Variants in RRP7A observed in about 807,000 individuals in gnomAD.
RRP7A encodes the protein ribosomal RNA processing 7 homolog A.
Under a neutral mutation model 38.4 loss-of-function variants are expected in RRP7A, and 27 were observed. The observed-to-expected ratio is 0.70, with a 90% CI of 0.52 to 0.97. The LOEUF (loss-of-function observed/expected upper bound fraction) is 0.97. Ranked by LOEUF, RRP7A falls within the 50% of genes least tolerant of loss-of-function variation. The pLI, the probability that RRP7A is intolerant of heterozygous loss-of-function variation, is 0.00. For missense variants in RRP7A, 327 were observed against 375.4 expected, an observed-to-expected ratio of 0.87 and a Z score of 1.07; for synonymous variants, 124 against 150.3, an observed-to-expected ratio of 0.83 and a Z score of 1.28.
rs1773842883 is a variant in RRP7A, at chr22:42,511,211, C to CT, written c.*1698dup. The CT allele has an allele frequency of 6.6e-6, 1 of 151,606 alleles. No homozygotes were observed. Among genetic ancestry groups the CT allele is most frequent in the African/African-American group, 2.4e-5 (1 of 41,038 alleles). 9.4% of individuals were successfully genotyped at this position (151,606 alleles called of 1,614,324 possible). On this transcript the variant is annotated 3_prime_UTR_variant, in exon 7 of 7. Coordinates refer to ENST00000323013, the MANE Select transcript of RRP7A (RefSeq NM_015703.5). The stretch of plus-strand genomic sequence containing the variant: ...TTTTTTTTTGAGATGGAGTCTCACT[C>CT]TGTCGCTCAGGCTGGAGTGCAGTGG...
chr22:42,517,895 C>G (rs1369173746), intron 2 of RRP7A, 110 bp downstream of exon 2: 1 of 1,301,578 alleles, frequency 7.7e-7, no homozygotes, highest in Non-Finnish European at 1.1e-6. Flanking sequence ...TGACACTCTC[C>G]TCTGGGGCTC....
chr22:42,511,014 G>A lies in RRP7A; in HGVS notation c.*1896C>T, dbSNP rs1932442928. 2 of 166,364 alleles carry A rather than the reference G, an allele frequency of 1.2e-5. No individual in the cohort carries two copies. Among genetic ancestry groups the A allele is most frequent in the South Asian group, 3.5e-4 (2 of 5,662 alleles). The allele number at this position is 166,364 out of a possible 1,614,324, so 10.3% of individuals were successfully genotyped here. A position where few individuals can be genotyped will look rare whatever the true frequency, so the allele number is the denominator to read the frequency against. ...GCACAATTAGGTGACCCAACTGCCA[G>A]AGACAGTCCCACATTTTTTGAGAGA... On this transcript the variant is annotated 3_prime_UTR_variant, in exon 7 of 7. Transcript: ENST00000323013.
chr22:42,517,491 A>G (rs1052669010), intron 2 of RRP7A, among the ~76,000 whole-genome samples: 20 of 152,118 alleles, frequency 1.3e-4, no homozygotes, highest in Non-Finnish European at 5.9e-5. Context: ...GGTAATATGT[A>G]AAAATGCCTT....
In RRP7A at chr22:42,508,925, G is replaced by A; in HGVS notation, c.*3985C>T. ...GCTCAGACCCAGGGTGGGTGGCTAAGGTGCCCTCGCCAGGGCTTAGCCACC... is the reference window on the plus strand; with the variant it reads ...GCTCAGACCCAGGGTGGGTGGCTAAAGTGCCCTCGCCAGGGCTTAGCCACC... On this transcript the variant is annotated 3_prime_UTR_variant, in exon 7 of 7. Transcript: ENST00000323013. The A allele has an allele frequency of 6.5e-7, 1 of 1,549,310 alleles. No homozygotes were observed. The highest frequency in any genetic ancestry group is 2.3e-5 in the East Asian group (1 of 43,640).
At chr22:42,516,882 A>G (rs1378980707) in intron 2 of RRP7A, among the ~76,000 whole-genome samples, 2 of 152,198 alleles carry the variant, frequency 1.3e-5, no homozygotes, top group Non-Finnish European at 2.9e-5. Flanking sequence ...CTGCACTTCA[A>G]AAAAGGTCAG....
intron 2 of RRP7A, among the ~76,000 whole-genome samples, chr22:42,516,748 A>G (rs1207120418): frequency 6.6e-6 from 1 of 152,150 alleles, no homozygotes; most frequent in Non-Finnish European, 1.5e-5. Context: ...TCTGTGGTGG[A>G]GGCAGCGGGG....
chr22:42,509,219 C>T lies in RRP7A; in HGVS notation c.*3691G>A, dbSNP rs1194472917. 2 of 1,552,948 alleles carry T rather than the reference C, an allele frequency of 1.3e-6. No homozygotes were observed. The highest frequency in any genetic ancestry group is 2.0e-5 in the Admixed American group (1 of 50,110). On this transcript the variant is annotated 3_prime_UTR_variant, in exon 7 of 7. Transcript: ENST00000323013. ...CTCCAAGTTCTCTGCGTGTCGACCA[C>T]ATCGCTAAGACTCAAGATCTTTTTT...
Position 42,512,786 on chromosome 22 carries a change from T to C in RRP7A, c.*124A>G. Reference sequence around the variant, plus strand: ...CCTGTGTGGACTCTGATGGGGCTGTTGGACGCGGTGGCCTTCAACCTGGGG... The same window carrying C: ...CCTGTGTGGACTCTGATGGGGCTGTCGGACGCGGTGGCCTTCAACCTGGGG... On this transcript the variant is annotated 3_prime_UTR_variant, in exon 7 of 7. Coordinates refer to ENST00000323013, the MANE Select transcript of RRP7A (RefSeq NM_015703.5). 1.0e-6 allele frequency: 1 copy of C among 958,362 alleles called. No individual in the cohort carries two copies. The allele number at this position is 958,362 out of a possible 1,614,324, so 59.4% of individuals were successfully genotyped here. A position where few individuals can be genotyped will look rare whatever the true frequency, so the allele number is the denominator to read the frequency against.
chr22:42,516,440 G>C (rs1159879731), intron 2 of RRP7A: 6 of 434,156 alleles, frequency 1.4e-5, no homozygotes, highest in African/African-American at 4.1e-5. Context: ...CTCCCGAGCA[G>C]CTGGGATTAC....
intron 3 of RRP7A, 112 bp from the exon 4 acceptor site, chr22:42,515,380 C>T: frequency 1.4e-6 from 1 of 718,632 alleles, no homozygotes; most frequent in Non-Finnish European, 2.4e-6. Flanking sequence ...TGGTGCTAGG[C>T]TATTCCTGAG....
In RRP7A at chr22:42,515,337, C is replaced by G. The variant is rs1017381453; in HGVS notation, c.343-69G>C. ...TCTGGCACAAGGTCTCCAGGCCTGCCCTCAGCCTAGGTGGTAGCTACACCA... is the reference window on the plus strand; with the variant it reads ...TCTGGCACAAGGTCTCCAGGCCTGCGCTCAGCCTAGGTGGTAGCTACACCA... On this transcript the variant is annotated intron_variant, in intron 3 of 6. Coordinates refer to ENST00000323013, the MANE Select transcript of RRP7A (RefSeq NM_015703.5). 1.2e-5 allele frequency: 9 copies of G among 733,772 alleles called. No individual in the cohort carries two copies. The African/African-American group carries it at 1.6e-4, about 13-fold the overall frequency. 45.5% of individuals were successfully genotyped at this position (733,772 alleles called of 1,614,324 possible).
At position 42,519,734 on chromosome 22, in the gene RRP7A, G is replaced by T; in HGVS notation, c.53C>A (p.Pro18His). Residue 18 changes from proline (P) to histidine (H), a missense_variant, in exon 1 of 7, where the codon CCC becomes CAC. Around this residue, in one of 5 missense-constraint regions of RRP7A, gnomAD observed 183 missense variants for 141.8 expected, o/e 1.29. Transcript: ENST00000323013. ...CAARDPEDRI[P>H]SPLGYAAIPI... ...CTCACCTGCGTAGCCCAGTGGGCTGGGGATACGGTCCTCCGGGTCCCGCGC... is the reference window on the plus strand; with the variant it reads ...CTCACCTGCGTAGCCCAGTGGGCTGTGGATACGGTCCTCCGGGTCCCGCGC... The T allele has an allele frequency of 6.8e-7, 1 of 1,463,384 alleles. No homozygotes were observed. The highest frequency in any genetic ancestry group is 9.0e-7 in the Non-Finnish European group (1 of 1,110,316). The allele number at this position is 1,463,384 out of a possible 1,614,324, so 90.6% of individuals were successfully genotyped here.
chr22:42,515,740 G>C (rs1380603700), intron 3 of RRP7A, among the ~76,000 whole-genome samples: 11 of 152,172 alleles, frequency 7.2e-5, no homozygotes, highest in Admixed American at 7.2e-4. Context: ...GAAGCAGGAG[G>C]GGAGCCGGGG....
chr22:42,519,600 G>A lies in RRP7A; in HGVS notation c.73+114C>T, dbSNP rs1256451608. 29 of 917,598 alleles carry A rather than the reference G, an allele frequency of 3.2e-5. No homozygotes were observed. In the South Asian group the frequency reaches 6.0e-4, roughly 19 times the overall value. The allele number at this position is 917,598 out of a possible 1,614,324, so 56.8% of individuals were successfully genotyped here. A position where few individuals can be genotyped will look rare whatever the true frequency, so the allele number is the denominator to read the frequency against. ...GCGGAGCCTGGGGCCACGGGCCACC[G>A]GGGCTCACACCCAACCGTGCGGCCG... On this transcript the variant is annotated intron_variant, in intron 1 of 6. Transcript: ENST00000323013.
intron 6 of RRP7A, 23 bp downstream of exon 6, chr22:42,514,083 A>G (rs1274436501): frequency 6.2e-7 from 1 of 1,605,664 alleles, no homozygotes. Flanking sequence ...GAGGGGTCTG[A>G]GGATGGACTG....
chr22:42,515,951 A>T, intron 3 of RRP7A, 60 bp downstream of exon 3: 1 of 1,527,130 alleles, frequency 6.5e-7, no homozygotes, highest in African/African-American at 1.4e-5. Context: ...CTCCCCCAAC[A>T]CACTGGGGAC....
intron 3 of RRP7A, 38 bp downstream of exon 3, chr22:42,515,973 C>T: frequency 2.6e-6 from 4 of 1,559,168 alleles, no homozygotes; most frequent in Non-Finnish European, 3.5e-6. Context: ...GTGCCCCACC[C>T]CCCTCACTCT....
rs138035130 is a variant in RRP7A at position 42,518,086 on chromosome 22, G to A, written c.135C>T (p.His45=). 63 of 1,613,976 alleles carry A rather than the reference G, an allele frequency of 3.9e-5. No individual in the cohort carries two copies. Among genetic ancestry groups the A allele is most frequent in the Middle Eastern group, 3.3e-4 (2 of 6,044 alleles). The change falls in exon 2 of 7, where the codon CAC becomes CAT. Residue 45 remains histidine, a synonymous_variant. Coordinates refer to ENST00000323013, the MANE Select transcript of RRP7A (RefSeq NM_015703.5). The stretch of plus-strand genomic sequence containing the variant: ...TGGACTTGGTGCCTTGTCGAACGCC[G>A]TGTGCTCTCACATAGAGGTAGTGAG... ...QASHYLYVRA[H]GVRQGTKSTW... is the part of the protein sequence containing the mutation.
At chr22:42,517,145 G>A (rs2146623467) in intron 2 of RRP7A, among the ~76,000 whole-genome samples, 1 of 152,092 alleles carries the variant, frequency 6.6e-6, no homozygotes, top group South Asian at 2.1e-4. Flanking sequence ...GGGCATGGTG[G>A]TGGGCGCCTG....
Sources: gnomAD v4.1 joint callset for allele counts (sites outside exome capture counted in the v4.1 genomes callset) on GRCh38, gnomAD v4.1.1 for gene constraint, gnomAD v4.1.1 regional missense constraint, MANE v1.5 for transcripts, NCBI Gene and HGNC (gene_info 2026-07-23, HGNC 2026-07-21) for gene names.